Variants in ARSB observed in about 807,000 individuals in gnomAD.
The protein encoded by ARSB is N-acetylgalactosamine-4-sulfatase.
A neutral mutation model predicts 50.9 loss-of-function variants in ARSB; 41 were observed. That is an observed-to-expected ratio of 0.81 (90% CI 0.63 to 1.04). The LOEUF (loss-of-function observed/expected upper bound fraction) is 1.04. ARSB is among the 50% of genes least tolerant of loss of function. ARSB has a pLI of 0.00. For missense variants in ARSB, 672 were observed against 693.3 expected (o/e 0.97, Z 0.35); for synonymous variants, 269 against 284.8 (o/e 0.94, Z 0.56).
intron 6 of ARSB, among the ~76,000 whole-genome samples, chr5:78,784,409 G>A (rs2112622488): frequency 6.6e-6 from 1 of 152,264 alleles, no homozygotes; most frequent in Non-Finnish European, 1.5e-5. Context: ...GTCAAGATAT[G>A]GAATCAACCT....
chr5:78,900,171 T>G (rs1748738932), intron 4 of ARSB, among the ~76,000 whole-genome samples: 1 of 152,124 alleles, frequency 6.6e-6, no homozygotes, highest in African/African-American at 2.4e-5. Flanking sequence ...GGCTAGGGGT[T>G]CCTGCCCATG....
At chr5:78,812,776 T>C (rs926592923) in intron 6 of ARSB, among the ~76,000 whole-genome samples, 2 of 152,136 alleles carry the variant, frequency 1.3e-5, no homozygotes, top group African/African-American at 4.8e-5. Flanking sequence ...GTGGATTGCT[T>C]GAGCTCAGGA....
At chr5:78,809,603 G>C (rs1229462699) in intron 6 of ARSB, among the ~76,000 whole-genome samples, 1 of 152,258 alleles carries the variant, frequency 6.6e-6, no homozygotes, top group Non-Finnish European at 1.5e-5. Flanking sequence ...CTGAAGCTGG[G>C]AGACCCATCC....
intron 6 of ARSB, among the ~76,000 whole-genome samples, chr5:78,811,348 T>C (rs539465550): frequency 3.3e-5 from 5 of 152,296 alleles, no homozygotes; most frequent in African/African-American, 1.2e-4. Flanking sequence ...GTAGAGAAGC[T>C]GCTTCCCTCA....
At chr5:78,952,967 A>C (rs1158065974) in intron 4 of ARSB, among the ~76,000 whole-genome samples, 1 of 152,190 alleles carries the variant, frequency 6.6e-6, no homozygotes, top group Non-Finnish European at 1.5e-5. Context: ...AGGCATTCAA[A>C]ACCAGCACTG....
Position 78,783,353 on chromosome 5 carries a change from A to C in ARSB, c.1214-1379T>G, listed in dbSNP as rs1157468511. 8 of 151,344 alleles carry C rather than the reference A, an allele frequency of 5.3e-5. No individual in the cohort carries two copies. The South Asian group carries it at 1.7e-3, about 32-fold the overall frequency. 9.4% of individuals were successfully genotyped at this position (151,344 alleles called of 1,614,324 possible). A position where few individuals can be genotyped will look rare whatever the true frequency, so the allele number is the denominator to read the frequency against. On this transcript the variant is annotated intron_variant, in intron 6 of 7. Transcript: ENST00000264914. ...TTCTGTGCTCCTGGGGTTTTCATGC[A>C]GGGTGTGTCGGTGGTGGAAAAGGCG...
chr5:78,861,092 CA>C (rs1299630956), intron 5 of ARSB, among the ~76,000 whole-genome samples: 3 of 152,180 alleles, frequency 2.0e-5, no homozygotes, highest in East Asian at 3.8e-4. Context: ...AGACCAATAA[CA>C]GGCTCTGAAA....
At chr5:78,848,064 A>G (rs1267493097) in intron 5 of ARSB, among the ~76,000 whole-genome samples, 2 of 150,346 alleles carry the variant, frequency 1.3e-5, no homozygotes, top group African/African-American at 4.9e-5. Flanking sequence ...TTTTATTATT[A>G]TTATTATTTT....
intron 2 of ARSB, among the ~76,000 whole-genome samples, chr5:78,965,068 G>T (rs549190520): frequency 6.6e-6 from 1 of 152,172 alleles, no homozygotes; most frequent in Admixed American, 6.5e-5. Context: ...AGTGGTTCTA[G>T]GAAGAGTCAT....
intron 4 of ARSB, among the ~76,000 whole-genome samples, chr5:78,927,872 G>C (rs530833597): frequency 6.6e-6 from 1 of 152,174 alleles, no homozygotes. Flanking sequence ...GCTGAGACAG[G>C]AATGTCATGC....
intron 5 of ARSB, among the ~76,000 whole-genome samples, chr5:78,859,175 A>G (rs916208858): frequency 3.3e-5 from 5 of 152,188 alleles, no homozygotes; most frequent in African/African-American, 9.6e-5. Context: ...CAACATGCAA[A>G]TATTACCATA....
intron 7 of ARSB, among the ~76,000 whole-genome samples, chr5:78,781,215 T>C (rs1401322829): frequency 6.6e-6 from 1 of 152,160 alleles, no homozygotes; most frequent in African/African-American, 2.4e-5. Flanking sequence ...GTGCTGTGCT[T>C]GATAGCCACA....
intron 5 of ARSB, among the ~76,000 whole-genome samples, chr5:78,882,602 G>C (rs767322213): frequency 6.6e-6 from 1 of 152,124 alleles, no homozygotes; most frequent in African/African-American, 2.4e-5. Flanking sequence ...CCATGCGATT[G>C]AATGTGCAGT....
intron 5 of ARSB, among the ~76,000 whole-genome samples, chr5:78,852,805 T>G (rs1174100674): frequency 6.6e-6 from 1 of 152,224 alleles, no homozygotes. Context: ...ATTTCATTCA[T>G]TTCATCTTCC....
intron 6 of ARSB, among the ~76,000 whole-genome samples, chr5:78,821,303 T>A (rs1744211429): frequency 6.6e-6 from 1 of 152,090 alleles, no homozygotes; most frequent in African/African-American, 2.4e-5. Context: ...GCCCAGCTAA[T>A]TTTTTTGTAA....
At chr5:78,976,781 T>C (rs1752689567) in intron 1 of ARSB, among the ~76,000 whole-genome samples, 1 of 152,330 alleles carries the variant, frequency 6.6e-6, no homozygotes, top group East Asian at 1.9e-4. Context: ...AATGTCACCT[T>C]ACTATAAAAA....
chr5:78,845,543 A>G (rs773754021), intron 5 of ARSB, among the ~76,000 whole-genome samples: 3 of 151,974 alleles, frequency 2.0e-5, no homozygotes, highest in African/African-American at 7.2e-5. Flanking sequence ...AGGATCTGTT[A>G]TTTTTTAACT....
At chr5:78,795,439 ACCTTTCACAGGCACTGTG>A (rs1371527706) in intron 6 of ARSB, among the ~76,000 whole-genome samples, 4 of 151,930 alleles carry the variant, frequency 2.6e-5, no homozygotes, top group Admixed American at 6.6e-5. Context: ...TAGATTATAG[ACCTTTCACAGGCACTGTG>A]CCTTTCACAG....
At chr5:78,826,235 T>C (rs2112685227) in intron 6 of ARSB, among the ~76,000 whole-genome samples, 1 of 152,124 alleles carries the variant, frequency 6.6e-6, no homozygotes, top group South Asian at 2.1e-4. Flanking sequence ...TCAGTAGAGA[T>C]GGGGTTTCAC....
Sources: gnomAD v4.1 joint callset for allele counts (sites outside exome capture counted in the v4.1 genomes callset) on GRCh38, gnomAD v4.1.1 for gene constraint, MANE v1.5 for transcripts, NCBI Gene and HGNC (gene_info 2026-07-23, HGNC 2026-07-21) for gene names.